Variants in CCDC73 observed in about 807,000 individuals in gnomAD.
The protein encoded by CCDC73 is coiled-coil domain containing 73.
CCDC73 carries 95 observed loss-of-function variants against 116.5 expected under a neutral mutation model. That is an observed-to-expected ratio of 0.82 (90% CI 0.69 to 0.97). The LOEUF (loss-of-function observed/expected upper bound fraction) is 0.97. CCDC73 is among the 50% of genes least tolerant of loss of function. The pLI, the probability that CCDC73 is intolerant of heterozygous loss-of-function variation, is 0.00. For synonymous variants in CCDC73, 398 were observed against 401.3 expected, an observed-to-expected ratio of 0.99 and a Z score of 0.10; for missense variants, 1,066 against 1,206.8, an observed-to-expected ratio of 0.88 and a Z score of 1.73.
In CCDC73 at chr11:32,640,977, C is replaced by T. The variant is rs369329357; in HGVS notation, c.1050+995G>A. ...CTTGCAGTGAGCAGAGATCCGTCCA[C>T]GGCACTCTAGCCTGGGGGACAGAGT... On this transcript the variant is annotated intron_variant, in intron 13 of 17. Coordinates refer to ENST00000335185, the MANE Select transcript of CCDC73 (RefSeq NM_001008391.4). Among the ~76,000 whole-genome samples the T allele has an allele frequency of 5.7e-4, 86 of 151,696 alleles. 1 individual carries two copies. In the South Asian group the frequency reaches 0.012, roughly 22 times the overall value.
intron 13 of CCDC73, among the ~76,000 whole-genome samples, chr11:32,640,593 G>A (rs1855723433): frequency 6.6e-6 from 1 of 152,126 alleles, no homozygotes; most frequent in South Asian, 2.1e-4. Context: ...ATGATAAACT[G>A]TACTAGTATA....
intron 1 of CCDC73, among the ~76,000 whole-genome samples, chr11:32,765,091 C>A (rs892931235): frequency 1.3e-5 from 2 of 152,294 alleles, no homozygotes; most frequent in East Asian, 1.9e-4. Flanking sequence ...GCACCCAATA[C>A]AGGATCACCC....
At chr11:32,753,343 G>A (rs1850304666) in intron 2 of CCDC73, among the ~76,000 whole-genome samples, 1 of 148,352 alleles carries the variant, frequency 6.7e-6, no homozygotes, top group Non-Finnish European at 1.5e-5. Context: ...TGTCACCCAG[G>A]CTGCAGTGCA....
chr11:32,645,295 T>TCA (rs1554962664), intron 12 of CCDC73, among the ~76,000 whole-genome samples: 1 of 82,710 alleles, frequency 1.2e-5, no homozygotes, highest in Non-Finnish European at 2.9e-5. Flanking sequence ...CTTTTTCTTT[T>TCA]TTTTTTTTTT....
chr11:32,783,848 G>A (rs1178093346), intron 1 of CCDC73, among the ~76,000 whole-genome samples: 1 of 152,150 alleles, frequency 6.6e-6, no homozygotes, highest in Non-Finnish European at 1.5e-5. Context: ...CTAGCACGGT[G>A]GAGGACAGCA....
At chr11:32,657,710 G>A (rs1469613393) in intron 9 of CCDC73, among the ~76,000 whole-genome samples, 5 of 152,068 alleles carry the variant, frequency 3.3e-5, no homozygotes, top group Middle Eastern at 3.2e-3. Context: ...CCACAAATTG[G>A]TAATACCTCT....
intron 10 of CCDC73, 142 bp from the exon 11 acceptor site, chr11:32,654,179 GTA>G: frequency 1.3e-6 from 1 of 786,734 alleles, no homozygotes; most frequent in Non-Finnish European, 1.9e-6. Flanking sequence ...TTGTTTATTT[GTA>G]TGTTTGTTTT....
chr11:32,717,042 G>A (rs1003144908), intron 3 of CCDC73, among the ~76,000 whole-genome samples: 1 of 152,094 alleles, frequency 6.6e-6, no homozygotes, highest in Non-Finnish European at 1.5e-5. Flanking sequence ...TTTCAGACTT[G>A]TCCTTCATAT....
At chr11:32,753,212 T>A (rs1268617540) in intron 2 of CCDC73, among the ~76,000 whole-genome samples, 1 of 152,212 alleles carries the variant, frequency 6.6e-6, no homozygotes. Context: ...ATAATCTCTA[T>A]GCCCAAGAAT....
At chr11:32,604,593 A>G (rs1855321329) in intron 17 of CCDC73, 1 of 152,186 alleles carries the variant, frequency 6.6e-6, no homozygotes, top group Admixed American at 6.5e-5. Context: ...TATGTTAAAC[A>G]TTTTTAGCAT....
chr11:32,809,717 G>A, the CCDC73 span, among the ~76,000 whole-genome samples: 10 of 152,122 alleles, frequency 6.6e-5, no homozygotes, highest in African/African-American at 1.9e-4. Flanking sequence ...TTTGGTTCTC[G>A]TCTTAATGTT....
At chr11:32,704,011 C>T (rs1220024972) in intron 3 of CCDC73, among the ~76,000 whole-genome samples, 2 of 152,158 alleles carry the variant, frequency 1.3e-5, no homozygotes, top group Non-Finnish European at 2.9e-5. Flanking sequence ...GAACAGTGGC[C>T]CATCTGGTGC....
At chr11:32,733,410 C>T (rs950505224) in intron 2 of CCDC73, among the ~76,000 whole-genome samples, 1 of 152,094 alleles carries the variant, frequency 6.6e-6, no homozygotes, top group Admixed American at 6.6e-5. Flanking sequence ...AGCTCTGCAC[C>T]AAGTGGACCT....
At chr11:32,654,177 T>C in intron 10 of CCDC73, 140 bp from the exon 11 acceptor site, 1 of 788,036 alleles carries the variant, frequency 1.3e-6, no homozygotes, top group South Asian at 2.2e-5. Context: ...GTTTGTTTAT[T>C]TGTATGTTTG....
At chr11:32,775,024 T>C (rs1048522463) in intron 1 of CCDC73, among the ~76,000 whole-genome samples, 3 of 152,158 alleles carry the variant, frequency 2.0e-5, no homozygotes, top group Non-Finnish European at 2.9e-5. Context: ...ACAAAAAATA[T>C]GAGGAAAAAA....
At chr11:32,652,367 C>G (rs1467781339) in intron 12 of CCDC73, among the ~76,000 whole-genome samples, 1 of 151,630 alleles carries the variant, frequency 6.6e-6, no homozygotes, top group Non-Finnish European at 1.5e-5. Flanking sequence ...GAAATACGTG[C>G]CAACCACTTC....
rs139173566 is a variant in CCDC73 at position 32,622,233 on chromosome 11, G to A, written c.1186-6104C>T. Among the ~76,000 whole-genome samples the A allele has an allele frequency of 2.2e-4, 33 of 152,126 alleles. 3 individuals carry two copies. The East Asian group carries it at 6.2e-3, about 29-fold the overall frequency. On this transcript the variant is annotated intron_variant, in intron 14 of 17. Transcript: ENST00000335185. ...ACATACGTTTATTGCAGCACTATTC[G>A]CAATAGCAAAGACACGGAACCAGTC...
chr11:32,748,156 A>C (rs1435816945), intron 2 of CCDC73, among the ~76,000 whole-genome samples: 6 of 151,742 alleles, frequency 4.0e-5, no homozygotes, highest in African/African-American at 9.7e-5. Flanking sequence ...AGTGAGGACT[A>C]TCTCTCATCA....
intron 1 of CCDC73, among the ~76,000 whole-genome samples, chr11:32,773,199 T>C (rs536051584): frequency 3.7e-4 from 56 of 152,250 alleles, no homozygotes; most frequent in African/African-American, 1.2e-3. Flanking sequence ...TGATTCAACA[T>C]ATATGAAATG....
Sources: allele counts gnomAD v4.1 joint callset (sites outside exome capture counted in the v4.1 genomes callset), GRCh38; gene constraint gnomAD v4.1.1; transcripts MANE v1.5; gene names NCBI Gene and HGNC (gene_info 2026-07-23, HGNC 2026-07-21).